Variants in SFRP1 observed in about 807,000 individuals in gnomAD.
SFRP1 encodes secreted frizzled related protein 1.
A neutral mutation model predicts 25.9 loss-of-function variants in SFRP1; 9 were observed. The ratio of observed to expected loss-of-function variants is 0.35; its 90% confidence interval spans 0.21 to 0.61. The LOEUF is 0.61. Among genes scored for constraint, SFRP1 ranks in the 20% least tolerant of loss-of-function variants. The pLI is 0.78. For synonymous variants in SFRP1, 178 were observed against 174.0 expected, an observed-to-expected ratio of 1.02 and a Z score of -0.18; for missense variants, 346 against 418.2, an observed-to-expected ratio of 0.83 and a Z score of 1.51.
intron 2 of SFRP1, among the ~76,000 whole-genome samples, chr8:41,295,744 ATTT>A (rs375196464): frequency 6.9e-6 from 1 of 144,968 alleles, no homozygotes; most frequent in Non-Finnish European, 1.5e-5. Context: ...TATCTGCAGC[ATTT>A]TTTTTTTTTT....
At chr8:41,295,422 G>C (rs1290945197) in intron 2 of SFRP1, among the ~76,000 whole-genome samples, 1 of 151,750 alleles carries the variant, frequency 6.6e-6, no homozygotes, top group African/African-American at 2.4e-5. Context: ...CCAGGTACTC[G>C]GGAGGCCGAG....
At chr8:41,302,627 T>C (rs1011416642) in intron 2 of SFRP1, among the ~76,000 whole-genome samples, 3 of 152,190 alleles carry the variant, frequency 2.0e-5, no homozygotes, top group Non-Finnish European at 4.4e-5. Flanking sequence ...CCATGTCAGA[T>C]AGAGGCGAGA....
At chr8:41,275,098 G>C in intron 2 of SFRP1, 1 of 395,774 alleles carries the variant, frequency 2.5e-6, no homozygotes, top group Non-Finnish European at 5.0e-6. Context: ...AATTGGGTTA[G>C]AATGCAAATT....
intron 1 of SFRP1, among the ~76,000 whole-genome samples, chr8:41,308,331 G>A (rs1208302668): frequency 1.3e-5 from 2 of 152,262 alleles, no homozygotes; most frequent in East Asian, 1.9e-4. Flanking sequence ...ATCCCAGGAA[G>A]AGCGGCTCCG....
At chr8:41,290,924 T>TTTTTTTTTTTTG (rs1803770613) in intron 2 of SFRP1, among the ~76,000 whole-genome samples, 1 of 122,474 alleles carries the variant, frequency 8.2e-6, no homozygotes, top group Non-Finnish European at 1.6e-5. Context: ...TTTTTTTTTT[T>TTTTTTTTTTTTG]GAGATGGAGT....
chr8:41,309,176 G>A lies in SFRP1; in HGVS notation c.-17C>T. 1.7e-5 allele frequency: 22 copies of A among 1,308,616 alleles called. No individual in the cohort carries two copies. Among genetic ancestry groups the A allele is most frequent in the Non-Finnish European group, 1.9e-5 (20 of 1,038,212 alleles). The allele number at this position is 1,308,616 out of a possible 1,614,324, so 81.1% of individuals were successfully genotyped here. A position where few individuals can be genotyped will look rare whatever the true frequency, so the allele number is the denominator to read the frequency against. On this transcript the variant is annotated 5_prime_UTR_variant, in exon 1 of 3. Transcript: ENST00000220772. ...GATGCCCATGCCGGCTCTGCGCCCT[G>A]TTCTCCGCGACGTCGGGGCTGCCTC...
intron 2 of SFRP1, among the ~76,000 whole-genome samples, chr8:41,290,175 C>A (rs982050205): frequency 4.7e-4 from 71 of 152,258 alleles, no homozygotes; most frequent in African/African-American, 1.7e-3. Flanking sequence ...AGCAGGTGGT[C>A]CCTTGTGTCC....
chr8:41,297,739 C>T (rs17574424), intron 2 of SFRP1, among the ~76,000 whole-genome samples: 28,111 of 151,864 alleles, frequency 0.19, 2,787 homozygotes, highest in Middle Eastern at 0.28. Flanking sequence ...AAGTCTGTCT[C>T]GCCCAGAGCC....
At chr8:41,280,124 G>A (rs1350958167) in intron 2 of SFRP1, among the ~76,000 whole-genome samples, 2 of 152,332 alleles carry the variant, frequency 1.3e-5, no homozygotes, top group Non-Finnish European at 2.9e-5. Context: ...GCAGCGCTGG[G>A]CTTCCCTCCC....
intron 2 of SFRP1, among the ~76,000 whole-genome samples, chr8:41,269,575 A>C (rs2117480079): frequency 6.6e-6 from 1 of 152,302 alleles, no homozygotes; most frequent in South Asian, 2.1e-4. Flanking sequence ...AGAATGAGGA[A>C]GTCATCACAC....
intron 2 of SFRP1, among the ~76,000 whole-genome samples, chr8:41,268,546 T>C (rs948284440): frequency 6.6e-6 from 1 of 152,206 alleles, no homozygotes; most frequent in Non-Finnish European, 1.5e-5. Flanking sequence ...TATGGGAATG[T>C]GTTACACATT....
At chr8:41,271,820 C>A (rs1233143865) in intron 2 of SFRP1, among the ~76,000 whole-genome samples, 1 of 151,658 alleles carries the variant, frequency 6.6e-6, no homozygotes, top group Non-Finnish European at 1.5e-5. Context: ...AAAAATTAGC[C>A]AGGCATGGTG....
At chr8:41,284,063 T>C (rs977437968) in intron 2 of SFRP1, among the ~76,000 whole-genome samples, 1 of 152,088 alleles carries the variant, frequency 6.6e-6, no homozygotes, top group Non-Finnish European at 1.5e-5. Flanking sequence ...AACTTTAAGA[T>C]TGTCAGCAAG....
At chr8:41,306,451 G>A (rs1803997655) in intron 1 of SFRP1, among the ~76,000 whole-genome samples, 1 of 151,892 alleles carries the variant, frequency 6.6e-6, no homozygotes, top group Non-Finnish European at 1.5e-5. Context: ...TCAGTAGTCT[G>A]GTTTGTCTTG....
In SFRP1 at chr8:41,308,875, G is replaced by C; in HGVS notation, c.285C>G (p.Ser95Arg). The C allele has an allele frequency of 6.2e-7, 1 of 1,610,736 alleles. No individual in the cohort carries two copies. Among genetic ancestry groups the C allele is most frequent in the Non-Finnish European group, 8.5e-7 (1 of 1,179,650 alleles). ...TCTTGTTGAGCAGGGGCACCCAGCT[G>C]CTGGCCTGCTGCTTCACCTCCGCCA... ...ETMAEVKQQA[S>R]SWVPLLNKNC... The change falls in exon 1 of 3, where the codon AGC becomes AGG. Residue 95 changes from serine to arginine, a missense_variant. Coordinates refer to ENST00000220772, the MANE Select transcript of SFRP1 (RefSeq NM_003012.5).
Position 41,265,025 on chromosome 8 carries a change from G to A in SFRP1, c.*142C>T. On this transcript the variant is annotated 3_prime_UTR_variant, in exon 3 of 3. Coordinates refer to ENST00000220772, the MANE Select transcript of SFRP1 (RefSeq NM_003012.5). ...GCTATGGAGGGAAGGGAGCGGGAATGCTGCAAGAACAAGCCGACTGGATTA... is the reference window on the plus strand; with the variant it reads ...GCTATGGAGGGAAGGGAGCGGGAATACTGCAAGAACAAGCCGACTGGATTA... 2 of 642,550 alleles carry A rather than the reference G, an allele frequency of 3.1e-6. No homozygotes were observed. The highest frequency in any genetic ancestry group is 5.3e-6 in the Non-Finnish European group (2 of 375,898). 39.8% of individuals were successfully genotyped at this position (642,550 alleles called of 1,614,324 possible).
chr8:41,302,487 C>T (rs1275214850), intron 2 of SFRP1, among the ~76,000 whole-genome samples: 1 of 152,218 alleles, frequency 6.6e-6, no homozygotes, highest in African/African-American at 2.4e-5. Context: ...TATCTTTACG[C>T]TTTTCCAGAT....
chr8:41,290,752 C>T (rs1356451066), intron 2 of SFRP1, among the ~76,000 whole-genome samples: 1 of 152,084 alleles, frequency 6.6e-6, no homozygotes, highest in Non-Finnish European at 1.5e-5. Context: ...GGCTCCAGGG[C>T]TCCTCTCTCC....
intron 1 of SFRP1, among the ~76,000 whole-genome samples, chr8:41,303,849 G>A (rs1468626626): frequency 6.6e-6 from 1 of 152,136 alleles, no homozygotes; most frequent in African/African-American, 2.4e-5. Context: ...TGAGTGCCGG[G>A]AAAAGCTGGC....
Sources: allele counts gnomAD v4.1 joint callset (sites outside exome capture counted in the v4.1 genomes callset), GRCh38; gene constraint gnomAD v4.1.1; transcripts MANE v1.5; gene names NCBI Gene and HGNC (gene_info 2026-07-23, HGNC 2026-07-21).